The following MAGI2 variants were observed in gnomAD, a reference collection of about 807,000 sequenced individuals.
MAGI2 encodes the protein membrane associated guanylate kinase, WW and PDZ domain containing 2.
MAGI2 carries 35 observed loss-of-function variants against 133.3 expected under a neutral mutation model. That is an observed-to-expected ratio of 0.26 (90% CI 0.20 to 0.35). The LOEUF is 0.35. Ranked by LOEUF, MAGI2 falls within the 10% of genes least tolerant of loss-of-function variation. The probability of loss-of-function intolerance (pLI) is 1.00; values close to 1 mark genes in which losing one functional copy is unlikely to be tolerated. For missense variants in MAGI2, 1,636 were observed against 1,863.4 expected (o/e 0.88, Z 2.25); for synonymous variants, 729 against 710.6 (o/e 1.03, Z -0.41).
chr7:79,306,306 T>C (rs1212706851), intron 1 of MAGI2, among the ~76,000 whole-genome samples: 1 of 142,670 alleles, frequency 7.0e-6, no homozygotes, highest in African/African-American at 2.6e-5. Flanking sequence ...TATATGCATA[T>C]ATATTTTATA....
chr7:79,187,916 A>G (rs1384975440), intron 1 of MAGI2, among the ~76,000 whole-genome samples: 1 of 151,846 alleles, frequency 6.6e-6, no homozygotes, highest in Non-Finnish European at 1.5e-5. Flanking sequence ...AAAAAATTGT[A>G]TGTTTATGTC....
intron 1 of MAGI2, among the ~76,000 whole-genome samples, chr7:79,113,226 A>AC (rs1819085019): frequency 2.0e-5 from 3 of 152,200 alleles, no homozygotes; most frequent in African/African-American, 7.2e-5. Flanking sequence ...CTTAATTGTC[A>AC]GTAAGTTCAC....
At chr7:78,732,479 T>A (rs949713651) in intron 2 of MAGI2, among the ~76,000 whole-genome samples, 1 of 152,142 alleles carries the variant, frequency 6.6e-6, no homozygotes, top group Non-Finnish European at 1.5e-5. Flanking sequence ...AACTGCTCTG[T>A]AATTACACAT....
chr7:79,253,062 G>C (rs185224423), intron 1 of MAGI2, among the ~76,000 whole-genome samples: 40 of 152,250 alleles, frequency 2.6e-4, no homozygotes, highest in African/African-American at 8.4e-4. Flanking sequence ...ATAGAATATA[G>C]AATATCAATC....
chr7:78,747,591 T>G lies in MAGI2; in HGVS notation c.419-120352A>C, dbSNP rs546667087. On this transcript the variant is annotated intron_variant, in intron 2 of 21. Coordinates refer to ENST00000354212, the MANE Select transcript of MAGI2 (RefSeq NM_012301.4). ...TTGTGCTGGTAAAATATCCTAATAC[T>G]GCTCCTCAGTAAGTTTAAGAATCAA... Among the ~76,000 whole-genome samples, 13 of 152,314 alleles carry G rather than the reference T, an allele frequency of 8.5e-5. 1 individual carries two copies. In the Middle Eastern group the frequency reaches 0.01, roughly 120 times the overall value.
At chr7:78,139,593 G>A (rs1822534061) in intron 16 of MAGI2, among the ~76,000 whole-genome samples, 7 of 152,220 alleles carry the variant, frequency 4.6e-5, no homozygotes. Flanking sequence ...CCGGAGCACA[G>A]TCCATTTAGA....
intron 2 of MAGI2, among the ~76,000 whole-genome samples, chr7:78,818,507 A>G (rs940157428): frequency 6.6e-6 from 1 of 152,208 alleles, no homozygotes; most frequent in Non-Finnish European, 1.5e-5. Context: ...TAATAAAGTA[A>G]TTATAAAATT....
intron 1 of MAGI2, among the ~76,000 whole-genome samples, chr7:79,339,766 T>A (rs1840754475): frequency 6.6e-6 from 1 of 152,164 alleles, no homozygotes; most frequent in Non-Finnish European, 1.5e-5. Context: ...GAATATCTTG[T>A]CTGGACATGA....
chr7:78,754,806 G>A (rs982573304), intron 2 of MAGI2, among the ~76,000 whole-genome samples: 4 of 152,210 alleles, frequency 2.6e-5, no homozygotes, highest in Non-Finnish European at 4.4e-5. Context: ...GACTAAGTCA[G>A]CTTCCTTCAC....
chr7:79,248,386 A>G (rs1832970538), intron 1 of MAGI2, among the ~76,000 whole-genome samples: 2 of 152,210 alleles, frequency 1.3e-5, no homozygotes. Flanking sequence ...TGTTAGAGCT[A>G]GAGACAGAGA....
chr7:78,677,917 G>T (rs946641503), intron 2 of MAGI2, among the ~76,000 whole-genome samples: 1 of 152,038 alleles, frequency 6.6e-6, no homozygotes, highest in African/African-American at 2.4e-5. Context: ...TAGCCTCAGG[G>T]CACAGACTGA....
chr7:78,692,546 G>C (rs1817077801), intron 2 of MAGI2, among the ~76,000 whole-genome samples: 1 of 152,172 alleles, frequency 6.6e-6, no homozygotes, highest in South Asian at 2.1e-4. Flanking sequence ...AGTGTTAAGA[G>C]CTGCAAAGGG....
At chr7:78,251,690 A>G (rs1162021838) in intron 10 of MAGI2, 1 of 152,228 alleles carries the variant, frequency 6.6e-6, no homozygotes, top group Non-Finnish European at 1.5e-5. Flanking sequence ...TGAAAACTAC[A>G]AACTGTTTCT....
chr7:78,052,038 T>G (rs1389752344), intron 21 of MAGI2, among the ~76,000 whole-genome samples: 4 of 152,054 alleles, frequency 2.6e-5, no homozygotes, highest in Non-Finnish European at 5.9e-5. Context: ...ACTTGGCTAA[T>G]TTTTGTATAT....
At chr7:78,894,977 C>A (rs1053885180) in intron 2 of MAGI2, among the ~76,000 whole-genome samples, 1 of 152,106 alleles carries the variant, frequency 6.6e-6, no homozygotes, top group Non-Finnish European at 1.5e-5. Context: ...CCTTCTGTAA[C>A]TGACACTGAA....
At chr7:78,564,315 G>A (rs866407925) in intron 3 of MAGI2, among the ~76,000 whole-genome samples, 2 of 152,086 alleles carry the variant, frequency 1.3e-5, no homozygotes, top group South Asian at 2.1e-4. Context: ...AACCCTGAGC[G>A]TCAACACTTC....
At chr7:78,702,076 C>A (rs1201055240) in intron 2 of MAGI2, among the ~76,000 whole-genome samples, 1 of 151,958 alleles carries the variant, frequency 6.6e-6, no homozygotes, top group Non-Finnish European at 1.5e-5. Context: ...ACAAATGGTA[C>A]AGTTCAGTGC....
chr7:78,943,807 T>A (rs1262341303), intron 2 of MAGI2, among the ~76,000 whole-genome samples: 1 of 152,190 alleles, frequency 6.6e-6, no homozygotes, highest in Admixed American at 6.5e-5. Flanking sequence ...CATTCTCCCA[T>A]TTAAAATATC....
chr7:78,985,120 G>A (rs1418158235), intron 2 of MAGI2, among the ~76,000 whole-genome samples: 1 of 151,712 alleles, frequency 6.6e-6, no homozygotes, highest in Non-Finnish European at 1.5e-5. Context: ...TCCTGCATTG[G>A]CCTCTCAAAG....
Sources: allele counts gnomAD v4.1 joint callset (sites outside exome capture counted in the v4.1 genomes callset), GRCh38; gene constraint gnomAD v4.1.1; transcripts MANE v1.5; gene names NCBI Gene and HGNC (gene_info 2026-07-23, HGNC 2026-07-21).